The following PHLDB2 variants were observed in gnomAD, a reference collection of about 807,000 sequenced individuals.
The protein encoded by PHLDB2 is pleckstrin homology-like domain family B member 2.
A neutral mutation model predicts 123.6 loss-of-function variants in PHLDB2; 71 were observed. The observed-to-expected ratio is 0.57, with a 90% CI of 0.47 to 0.70. The LOEUF is 0.70. Ranked by LOEUF, PHLDB2 falls within the 30% of genes least tolerant of loss-of-function variation. PHLDB2 has a pLI of 0.00. For missense variants in PHLDB2, 1,446 were observed against 1,519.5 expected (o/e 0.95, Z 0.80); for synonymous variants, 547 against 541.6 (o/e 1.01, Z -0.14).
At chr3:111,746,998 C>A (rs1485187920) in intron 1 of PHLDB2, among the ~76,000 whole-genome samples, 2 of 152,096 alleles carry the variant, frequency 1.3e-5, no homozygotes, top group Non-Finnish European at 2.9e-5. Context: ...ATTCTATACC[C>A]AGCCAAACTA....
intron 1 of PHLDB2, among the ~76,000 whole-genome samples, chr3:111,823,101 A>G (rs2062485823): frequency 6.6e-6 from 1 of 152,236 alleles, no homozygotes; most frequent in East Asian, 1.9e-4. Context: ...GGAGTACTCA[A>G]CCAGGACAGC....
intron 8 of PHLDB2, among the ~76,000 whole-genome samples, chr3:111,944,671 T>G (rs1164155222): frequency 5.3e-5 from 2 of 37,550 alleles, no homozygotes; most frequent in Non-Finnish European, 4.5e-5. Flanking sequence ...TTTTTGTTGG[T>G]TTTTTTTTTG....
At chr3:111,912,246 T>C (rs2067927984) in intron 2 of PHLDB2, among the ~76,000 whole-genome samples, 1 of 152,228 alleles carries the variant, frequency 6.6e-6, no homozygotes, top group African/African-American at 2.4e-5. Flanking sequence ...TTGTAAATTA[T>C]ATCCTGTTGC....
intron 1 of PHLDB2, among the ~76,000 whole-genome samples, chr3:111,807,152 T>C (rs1280133959): frequency 6.6e-6 from 1 of 151,892 alleles, no homozygotes; most frequent in Non-Finnish European, 1.5e-5. Context: ...GCCATCCAAC[T>C]CAACTTATCT....
rs3082321 is a variant in PHLDB2 at position 111,866,930 on chromosome 3, GGTGTGTGT to G, written c.-15+7389_-15+7396del. On this transcript the variant is annotated intron_variant, in intron 1 of 17. Transcript: ENST00000431670. ...TCTTCCTTAACATAAGTTTCTAAGGGGTGTGTGTGTGTGTGTGTGTGTGTGTGTGTGTG... is the reference window on the plus strand; with the variant it reads ...TCTTCCTTAACATAAGTTTCTAAGGGGTGTGTGTGTGTGTGTGTGTGTGTG... 3.0e-4 allele frequency among the ~76,000 whole-genome samples: 38 copies of G among 126,066 alleles called. 1 individual carries two copies. The highest frequency in any genetic ancestry group is 2.1e-3 in the East Asian group (9 of 4,342). 82.7% of individuals were successfully genotyped at this position (126,066 alleles called of 152,430 possible).
At chr3:111,824,376 G>A (rs2062552975) in intron 1 of PHLDB2, among the ~76,000 whole-genome samples, 1 of 152,118 alleles carries the variant, frequency 6.6e-6, no homozygotes, top group African/African-American at 2.4e-5. Context: ...CAACAGAATG[G>A]AAGATATCCA....
chr3:111,866,483 G>A (rs1219261332), intron 1 of PHLDB2, among the ~76,000 whole-genome samples: 1 of 152,120 alleles, frequency 6.6e-6, no homozygotes, highest in African/African-American at 2.4e-5. Context: ...TAGGTCTGGG[G>A]AATGTTACTT....
At position 111,885,295 on chromosome 3, in the gene PHLDB2, G is replaced by A. The variant is rs1196590556; in HGVS notation, c.1218G>A (p.Gln406=). 6.2e-7 allele frequency: 1 copy of A among 1,614,186 alleles called. No homozygotes were observed. The highest frequency in any genetic ancestry group is 8.5e-7 in the Non-Finnish European group (1 of 1,180,036). The change falls in exon 2 of 18, where the codon CAG becomes CAA. Residue 406 remains glutamine (Q), a synonymous_variant. Transcript: ENST00000431670. ...TCAGACAGGCCTCAGGAACCCCCCA[G>A]CCTGCCCTTCGGGAACGGAAAAGCA... ...ESLRQASGTP[Q]PALRERKSSI...
chr3:111,948,884 C>G (rs533677318), intron 9 of PHLDB2, 48 bp from the exon 10 acceptor site: 44 of 1,595,532 alleles, frequency 2.8e-5, no homozygotes, highest in Non-Finnish European at 3.8e-5. Context: ...TCTCGCATGC[C>G]TCAGCTTTTG....
chr3:111,814,628 T>TAAA (rs35877984), intron 1 of PHLDB2, among the ~76,000 whole-genome samples: 13 of 142,164 alleles, frequency 9.1e-5, no homozygotes, highest in South Asian at 6.7e-4. Flanking sequence ...AGTATTTATT[T>TAAA]AAAAAAAAAA....
At chr3:111,864,521 C>CTT in intron 1 of PHLDB2, among the ~76,000 whole-genome samples, 1 of 152,046 alleles carries the variant, frequency 6.6e-6, no homozygotes, top group African/African-American at 2.4e-5. Context: ...TTAGACATTG[C>CTT]AGAAAAGGAG....
At chr3:111,960,305 A>G (rs982657934) in intron 12 of PHLDB2, 5 of 213,638 alleles carry the variant, frequency 2.3e-5, no homozygotes, top group Admixed American at 6.5e-5. Flanking sequence ...CATTCTATTT[A>G]GTCTTGTGGT....
At chr3:111,831,924 C>T (rs2063055937) in intron 1 of PHLDB2, among the ~76,000 whole-genome samples, 1 of 152,092 alleles carries the variant, frequency 6.6e-6, no homozygotes, top group Non-Finnish European at 1.5e-5. Flanking sequence ...CCTAAGCTGG[C>T]CTTTAGGGTG....
intron 1 of PHLDB2, among the ~76,000 whole-genome samples, chr3:111,805,448 C>T (rs2061539571): frequency 6.6e-6 from 1 of 151,088 alleles, no homozygotes; most frequent in Admixed American, 6.6e-5. Flanking sequence ...GTAGTCCCAG[C>T]TACTCGGGAG....
chr3:111,949,449 A>G (rs2070566560), intron 10 of PHLDB2, among the ~76,000 whole-genome samples: 1 of 152,272 alleles, frequency 6.6e-6, no homozygotes, highest in South Asian at 2.1e-4. Flanking sequence ...TGTAACATGG[A>G]TGCTTTTAAA....
At chr3:111,882,146 TTTAA>T (rs774981201) in intron 1 of PHLDB2, among the ~76,000 whole-genome samples, 9 of 152,222 alleles carry the variant, frequency 5.9e-5, no homozygotes, top group Non-Finnish European at 1.2e-4. Context: ...TTATAGCTTA[TTTAA>T]TTTTTTCCCT....
chr3:111,768,791 G>T (rs1236947473), intron 1 of PHLDB2, among the ~76,000 whole-genome samples: 1 of 152,164 alleles, frequency 6.6e-6, no homozygotes, highest in African/African-American at 2.4e-5. Context: ...TGCCCTGCCA[G>T]CTTCTTTTGC....
intron 8 of PHLDB2, among the ~76,000 whole-genome samples, chr3:111,941,288 G>C (rs924525760): frequency 6.6e-6 from 1 of 152,152 alleles, no homozygotes; most frequent in African/African-American, 2.4e-5. Context: ...CATGACCCCG[G>C]TATCATTTCA....
intron 1 of PHLDB2, among the ~76,000 whole-genome samples, chr3:111,767,579 G>GA (rs2060104183): frequency 6.6e-6 from 1 of 152,124 alleles, no homozygotes; most frequent in Non-Finnish European, 1.5e-5. Context: ...TTTATTATCT[G>GA]AAAATCAGGA....
Sources: allele counts gnomAD v4.1 joint callset (sites outside exome capture counted in the v4.1 genomes callset), GRCh38; gene constraint gnomAD v4.1.1; transcripts MANE v1.5; gene names NCBI Gene and HGNC (gene_info 2026-07-23, HGNC 2026-07-21).